Variants in SLC25A13 observed in about 807,000 individuals in gnomAD.
SLC25A13 encodes the protein solute carrier family 25 member 13.
Under a neutral mutation model 85.5 loss-of-function variants are expected in SLC25A13, and 70 were observed. The ratio of observed to expected loss-of-function variants is 0.82; its 90% confidence interval spans 0.68 to 1.00. The LOEUF (loss-of-function observed/expected upper bound fraction) is 1.00. SLC25A13 is among the 50% of genes least tolerant of loss of function. The pLI, the probability that SLC25A13 is intolerant of heterozygous loss-of-function variation, is 0.00. For missense variants in SLC25A13, 765 were observed against 819.8 expected, an observed-to-expected ratio of 0.93 and a Z score of 0.82; for synonymous variants, 259 against 288.7, an observed-to-expected ratio of 0.90 and a Z score of 1.04.
chr7:96,311,151 C>G (rs1459073989), intron 1 of SLC25A13, among the ~76,000 whole-genome samples: 1 of 151,950 alleles, frequency 6.6e-6, no homozygotes. Context: ...CTCAATGTAC[C>G]AGGAAGGGCA....
intron 11 of SLC25A13, among the ~76,000 whole-genome samples, chr7:96,178,426 AAT>A (rs1411428960): frequency 6.6e-6 from 1 of 152,166 alleles, no homozygotes; most frequent in African/African-American, 2.4e-5. Context: ...GAGAGCATCT[AAT>A]AGAGGGCAGA....
intron 17 of SLC25A13, 128 bp from the exon 18 acceptor site, chr7:96,121,505 C>A: frequency 1.4e-6 from 2 of 1,379,560 alleles, no homozygotes; most frequent in Middle Eastern, 1.8e-4. Flanking sequence ...GTTGTATGTT[C>A]CCCTTGGAAA....
chr7:96,124,658 T>A (rs548727446), intron 15 of SLC25A13, among the ~76,000 whole-genome samples: 25 of 152,358 alleles, frequency 1.6e-4, no homozygotes, highest in African/African-American at 6.0e-4. Context: ...CACTGTTTTA[T>A]GAAACTTCAT....
intron 4 of SLC25A13, among the ~76,000 whole-genome samples, chr7:96,227,187 C>G (rs1796356126): frequency 6.6e-6 from 1 of 152,150 alleles, no homozygotes; most frequent in Non-Finnish European, 1.5e-5. Context: ...ACACATGCAC[C>G]AGCATCTTTA....
chr7:96,124,337 T>G (rs555290332), intron 15 of SLC25A13, among the ~76,000 whole-genome samples: 1 of 152,324 alleles, frequency 6.6e-6, no homozygotes, highest in African/African-American at 2.4e-5. Flanking sequence ...CCTTTGCATC[T>G]CTATCTATAT....
At chr7:96,245,214 C>T (rs1406489149) in intron 3 of SLC25A13, among the ~76,000 whole-genome samples, 6 of 152,176 alleles carry the variant, frequency 3.9e-5, no homozygotes, top group South Asian at 2.1e-4. Flanking sequence ...CTTGCTAGTA[C>T]GTAGTTAATT....
At chr7:96,216,023 C>T (rs562881406) in intron 4 of SLC25A13, among the ~76,000 whole-genome samples, 6 of 152,004 alleles carry the variant, frequency 3.9e-5, no homozygotes, top group Non-Finnish European at 8.8e-5. Flanking sequence ...GGCATGGTGG[C>T]ACGTGCCTGT....
At chr7:96,190,832 C>G (rs551749518) in intron 7 of SLC25A13, among the ~76,000 whole-genome samples, 1 of 152,068 alleles carries the variant, frequency 6.6e-6, no homozygotes, top group Non-Finnish European at 1.5e-5. Context: ...AGGCTGGTCT[C>G]GAACTCCTGA....
At position 96,191,231 on chromosome 7, in the gene SLC25A13, G is replaced by A. The variant is rs1404908764; in HGVS notation, c.632C>T (p.Thr211Ile). 2.5e-6 allele frequency: 4 copies of A among 1,613,858 alleles called. No homozygotes were observed. Among genetic ancestry groups the A allele is most frequent in the Admixed American group, 3.3e-5 (2 of 60,002 alleles). Residue 211 changes from threonine (T) to isoleucine (I), a missense_variant, in exon 7 of 18, where the codon ACA becomes ATA. Transcript: ENST00000265631. ...ECLVAAAGGT[T>I]SHQVSFSYFN... Reference sequence around the variant, plus strand: ...ATAGGAGAAACTAACTTGATGGGATGTGGTACCTCCAGCAGCCTCAAATAA... The same window carrying A: ...ATAGGAGAAACTAACTTGATGGGATATGGTACCTCCAGCAGCCTCAAATAA...
At chr7:96,174,873 A>G (rs983784959) in intron 11 of SLC25A13, among the ~76,000 whole-genome samples, 2 of 152,252 alleles carry the variant, frequency 1.3e-5, no homozygotes, top group Non-Finnish European at 2.9e-5. Flanking sequence ...TTAAGACTAC[A>G]AAGAAGGCAA....
intron 1 of SLC25A13, among the ~76,000 whole-genome samples, chr7:96,304,987 A>C (rs1461785916): frequency 6.6e-6 from 1 of 152,228 alleles, no homozygotes; most frequent in Admixed American, 6.5e-5. Flanking sequence ...CGGATCACTT[A>C]TTATTAATTA....
rs145399393 is a variant in SLC25A13 at position 96,321,559 on chromosome 7, G to A, written c.15+383C>T. Among the ~76,000 whole-genome samples, 548 of 152,340 alleles carry A rather than the reference G, an allele frequency of 3.6e-3. 1 individual carries two copies. Among genetic ancestry groups the A allele is most frequent in the African/African-American group, 0.012 (518 of 41,580 alleles). On this transcript the variant is annotated intron_variant, in intron 1 of 17. Coordinates refer to ENST00000265631, the MANE Select transcript of SLC25A13 (RefSeq NM_014251.3). ...GAAGCCGGAGTCAACAACCAGCGGGGTCAGGAGCAGGAGCGCGCTGGGAAG... is the reference window on the plus strand; with the variant it reads ...GAAGCCGGAGTCAACAACCAGCGGGATCAGGAGCAGGAGCGCGCTGGGAAG...
intron 3 of SLC25A13, among the ~76,000 whole-genome samples, chr7:96,260,969 GC>G (rs1217234883): frequency 2.0e-5 from 3 of 151,936 alleles, no homozygotes; most frequent in Admixed American, 1.3e-4. Flanking sequence ...ACATAACCTG[GC>G]CCTGGGATAC....
intron 3 of SLC25A13, among the ~76,000 whole-genome samples, chr7:96,257,250 T>A (rs112142308): frequency 1.3e-4 from 19 of 151,890 alleles, no homozygotes. Context: ...CAAAATACCC[T>A]TCAAAAAAAA....
rs1355768843 is a variant in SLC25A13 at position 96,200,640 on chromosome 7, G to A, written c.469-7457C>T. Among the ~76,000 whole-genome samples the A allele has an allele frequency of 2.0e-5, 3 of 152,042 alleles. 1 individual carries two copies. Among genetic ancestry groups the A allele is most frequent in the Admixed American group, 2.0e-4 (3 of 15,254 alleles). ...AGGCCTTTAATTAAAAGGGTCTTTGGAAGCAGTGTCACATGTGGCTCAGCA... is the reference window on the plus strand; with the variant it reads ...AGGCCTTTAATTAAAAGGGTCTTTGAAAGCAGTGTCACATGTGGCTCAGCA... On this transcript the variant is annotated intron_variant, in intron 5 of 17. Transcript: ENST00000265631.
chr7:96,301,550 A>G (rs1417409484), intron 1 of SLC25A13, among the ~76,000 whole-genome samples: 1 of 152,282 alleles, frequency 6.6e-6, no homozygotes, highest in Admixed American at 6.5e-5. Context: ...ATTTGCTAAC[A>G]AGATAAAGAA....
At chr7:96,157,393 C>A (rs1323271826) in intron 13 of SLC25A13, among the ~76,000 whole-genome samples, 1 of 152,202 alleles carries the variant, frequency 6.6e-6, no homozygotes, top group African/African-American at 2.4e-5. Context: ...TTGATTTCTT[C>A]TTCTCCTCCT....
intron 3 of SLC25A13, among the ~76,000 whole-genome samples, chr7:96,275,000 T>C (rs955005624): frequency 3.1e-4 from 47 of 152,224 alleles, no homozygotes; most frequent in Non-Finnish European, 5.9e-4. Context: ...GGGCTCTTTT[T>C]CGATTCCATA....
At position 96,275,862 on chromosome 7, in the gene SLC25A13, T is replaced by G. The variant is rs534168321; in HGVS notation, c.212+1334A>C. Among the ~76,000 whole-genome samples the G allele has an allele frequency of 1.9e-4, 29 of 152,272 alleles. No homozygotes were observed. The South Asian group carries it at 3.5e-3, about 19-fold the overall frequency. ...GTAACTAACCCGCACATTGTGCACA[T>G]GTACCCTAAAACTTAAAGTATAATA... On this transcript the variant is annotated intron_variant, in intron 3 of 17. Transcript: ENST00000265631.
Sources: gnomAD v4.1 joint callset for allele counts (sites outside exome capture counted in the v4.1 genomes callset) on GRCh38, gnomAD v4.1.1 for gene constraint, MANE v1.5 for transcripts, NCBI Gene and HGNC (gene_info 2026-07-23, HGNC 2026-07-21) for gene names.